PAMR1: variants seen among roughly 807,000 people sequenced by gnomAD.
The protein encoded by PAMR1 is peptidase domain containing associated with muscle regeneration 1.
In PAMR1, 88 loss-of-function variants were observed where a neutral mutation model predicts 81.8. The observed-to-expected ratio is 1.08, with a 90% CI of 0.91 to 1.28. The LOEUF (loss-of-function observed/expected upper bound fraction) is 1.28, where lower values mean the gene tolerates loss of function less well. Ranked by LOEUF, PAMR1 falls within the 50% of genes most tolerant of loss-of-function variation. The pLI is 0.00. For synonymous variants in PAMR1, 336 were observed against 345.3 expected (o/e 0.97, Z 0.30); for missense variants, 935 against 919.7 (o/e 1.02, Z -0.21).
rs188242998 is a variant in PAMR1 at position 35,445,425 on chromosome 11, C to T, written c.821-3732G>A. Among the ~76,000 whole-genome samples the T allele has an allele frequency of 1.2e-3, 188 of 152,246 alleles. 1 individual carries two copies. In the Middle Eastern group the frequency reaches 0.017, roughly 14 times the overall value. On this transcript the variant is annotated intron_variant, in intron 6 of 10. Transcript: ENST00000619888. The stretch of plus-strand genomic sequence containing the variant: ...GGCATCCTTTTCTTGTGCCAGTTTT[C>T]GATGGGAATGCTTCCAGCTTTTGTC...
intron 1 of PAMR1, among the ~76,000 whole-genome samples, chr11:35,510,919 G>A (rs1851061978): frequency 2.6e-5 from 4 of 152,160 alleles, no homozygotes. Context: ...ATGGTTATGG[G>A]CAGCCATCCT....
chr11:35,445,361 G>A (rs567957207), intron 6 of PAMR1, among the ~76,000 whole-genome samples: 93 of 151,088 alleles, frequency 6.2e-4, no homozygotes, highest in African/African-American at 2.1e-3. Context: ...GCCCTGGCCC[G>A]AACTTCCAGT....
At chr11:35,519,410 A>G (rs1051737934) in intron 1 of PAMR1, among the ~76,000 whole-genome samples, 3 of 138,186 alleles carry the variant, frequency 2.2e-5, no homozygotes, top group Non-Finnish European at 4.6e-5. Flanking sequence ...AAAGGAGCAG[A>G]CATACACAAT....
At position 35,461,856 on chromosome 11, in the gene PAMR1, C is replaced by T. The variant is rs75479095; in HGVS notation, c.820+6145G>A. Among the ~76,000 whole-genome samples, 338 of 152,192 alleles carry T rather than the reference C, an allele frequency of 2.2e-3. 12 individuals are homozygous for T. The East Asian group carries it at 0.058, about 26-fold the overall frequency. On this transcript the variant is annotated intron_variant, in intron 6 of 10. Coordinates refer to ENST00000619888, the MANE Select transcript of PAMR1 (RefSeq NM_001001991.3). ...ACTAGCTAATGGTCTTCCTGGGCTC[C>T]TCCAGTCTGCAAAGGCTCTGGGCTA...
At chr11:35,508,567 A>G (rs1343609373) in intron 1 of PAMR1, among the ~76,000 whole-genome samples, 3 of 126,948 alleles carry the variant, frequency 2.4e-5, no homozygotes, top group African/African-American at 6.1e-5. Flanking sequence ...TCAGGGGTAC[A>G]TGCACAGGTT....
intron 1 of PAMR1, among the ~76,000 whole-genome samples, chr11:35,498,947 T>C (rs181516153): frequency 3.2e-4 from 48 of 152,316 alleles, no homozygotes; most frequent in Admixed American, 2.9e-3. Flanking sequence ...TGAGAATCGT[T>C]TTCTGTTCTC....
chr11:35,508,302 G>A (rs918617363), intron 1 of PAMR1, among the ~76,000 whole-genome samples: 8 of 152,104 alleles, frequency 5.3e-5, no homozygotes, highest in African/African-American at 1.9e-4. Flanking sequence ...GAAGACTGTG[G>A]AGAGGGACAT....
At chr11:35,491,392 T>C (rs933147215) in intron 3 of PAMR1, among the ~76,000 whole-genome samples, 3 of 152,214 alleles carry the variant, frequency 2.0e-5, no homozygotes, top group African/African-American at 7.2e-5. Context: ...GTTGGAAGCA[T>C]ATGGAATAAG....
chr11:35,529,493 C>G (rs983957222), upstream of PAMR1, among the ~76,000 whole-genome samples: 1 of 152,206 alleles, frequency 6.6e-6, no homozygotes, highest in African/African-American at 2.4e-5. Flanking sequence ...CTGGACCATA[C>G]TGACTAATGT....
chr11:35,511,289 A>G (rs930638736), intron 1 of PAMR1, among the ~76,000 whole-genome samples: 1 of 152,252 alleles, frequency 6.6e-6, no homozygotes, highest in African/African-American at 2.4e-5. Context: ...GCAGAAGGAC[A>G]GGAGCAGCAA....
At chr11:35,521,923 TTG>T (rs1252958301) in intron 1 of PAMR1, among the ~76,000 whole-genome samples, 1 of 151,948 alleles carries the variant, frequency 6.6e-6, no homozygotes, top group Non-Finnish European at 1.5e-5. Context: ...TGGTTTTTTT[TTG>T]TTTTGTTTTG....
At chr11:35,490,200 A>G (rs1850592214) in intron 3 of PAMR1, among the ~76,000 whole-genome samples, 1 of 152,164 alleles carries the variant, frequency 6.6e-6, no homozygotes, top group African/African-American at 2.4e-5. Context: ...AACTACCCCT[A>G]TGATTCAATT....
intron 6 of PAMR1, among the ~76,000 whole-genome samples, chr11:35,460,120 A>C (rs761530983): frequency 6.6e-6 from 1 of 152,246 alleles, no homozygotes; most frequent in Non-Finnish European, 1.5e-5. Flanking sequence ...GAGGAGGGAC[A>C]TGTAGTTAAT....
chr11:35,522,499 G>A (rs1191394408), intron 1 of PAMR1, among the ~76,000 whole-genome samples: 1 of 152,064 alleles, frequency 6.6e-6, no homozygotes, highest in African/African-American at 2.4e-5. Flanking sequence ...AGGTCTTAAG[G>A]TTCATCTGTG....
chr11:35,456,482 T>C (rs1856535764), intron 6 of PAMR1, among the ~76,000 whole-genome samples: 1 of 152,234 alleles, frequency 6.6e-6, no homozygotes, highest in East Asian at 1.9e-4. Flanking sequence ...CTGCTGAGAA[T>C]AATCATTGGA....
chr11:35,525,835 A>G (rs961573705), upstream of PAMR1: 5 of 550,896 alleles, frequency 9.1e-6, no homozygotes, highest in African/African-American at 7.6e-5. Context: ...ACGCCTGGAG[A>G]CCCGCGGACG....
At chr11:35,463,440 G>GGGGGAACAAA (rs1565337066) in intron 6 of PAMR1, among the ~76,000 whole-genome samples, 1 of 152,164 alleles carries the variant, frequency 6.6e-6, no homozygotes, top group East Asian at 1.9e-4. Flanking sequence ...CAACTGGGCC[G>GGGGGAACAAA]GGGGAACAAA....
At chr11:35,490,324 T>C (rs1850595586) in intron 3 of PAMR1, among the ~76,000 whole-genome samples, 1 of 152,026 alleles carries the variant, frequency 6.6e-6, no homozygotes, top group Non-Finnish European at 1.5e-5. Context: ...TGCCTACCAC[T>C]CCAACCCCAT....
chr11:35,449,821 T>C (rs7939075), intron 6 of PAMR1, among the ~76,000 whole-genome samples: 52,513 of 151,990 alleles, frequency 0.35, 9,486 homozygotes, highest in African/African-American at 0.46. Context: ...CATCACTAAC[T>C]GCCTCCTTTG....
Sources: gnomAD v4.1 joint callset for allele counts (sites outside exome capture counted in the v4.1 genomes callset) on GRCh38, gnomAD v4.1.1 for gene constraint, MANE v1.5 for transcripts, NCBI Gene and HGNC (gene_info 2026-07-23, HGNC 2026-07-21) for gene names.